The following ZNF146 variants were observed in gnomAD, a reference collection of about 807,000 sequenced individuals.
The protein encoded by ZNF146 is zinc finger protein OZF.
ZNF146 carries 9 observed loss-of-function variants against 22.2 expected under a neutral mutation model. The ratio of observed to expected loss-of-function variants is 0.41; its 90% CI spans 0.24 to 0.71. ZNF146 has a LOEUF of 0.71. ZNF146 is among the 30% of genes least tolerant of loss of function. The probability of loss-of-function intolerance (pLI) is 0.34; values close to 1 mark genes in which losing one functional copy is unlikely to be tolerated. For synonymous variants in ZNF146, 108 were observed against 119.2 expected (o/e 0.91, Z 0.61); for missense variants, 194 against 344.8 (o/e 0.56, Z 3.46).
chr19:36,227,979 G>A (rs1351082091), intron 2 of ZNF146, among the ~76,000 whole-genome samples: 3 of 152,046 alleles, frequency 2.0e-5, no homozygotes, highest in Non-Finnish European at 4.4e-5. Context: ...TGGCCAACAT[G>A]GTGAAACTCT....
In ZNF146 at chr19:36,215,612, T is replaced by C. The variant is rs577732793; in HGVS notation, c.-929+416T>C. Among the ~76,000 whole-genome samples the C allele has an allele frequency of 2.0e-5, 3 of 152,302 alleles. No homozygotes were observed. In the South Asian group the frequency reaches 6.2e-4, roughly 32 times the overall value. ...TGAATAATTTTAAAACGAGTTTTTATATAAAAGCATTTCTTTTTAATTGGA... is the reference window on the plus strand; with the variant it reads ...TGAATAATTTTAAAACGAGTTTTTACATAAAAGCATTTCTTTTTAATTGGA... On this transcript the variant is annotated intron_variant, in intron 1 of 3. Transcript: ENST00000443387.
chr19:36,224,215 C>T (rs1459280683), intron 2 of ZNF146, among the ~76,000 whole-genome samples: 1 of 152,140 alleles, frequency 6.6e-6, no homozygotes, highest in Non-Finnish European at 1.5e-5. Context: ...AACCCTGTCT[C>T]TACTAAAAAT....
rs1026086245 is a variant in ZNF146 at position 36,238,104 on chromosome 19, C to T, written c.*785C>T. The T allele has an allele frequency of 2.4e-5, 4 of 166,968 alleles. No individual in the cohort carries two copies. The highest frequency in any genetic ancestry group is 5.9e-5 in the Non-Finnish European group (4 of 68,108). 10.3% of individuals were successfully genotyped at this position (166,968 alleles called of 1,614,324 possible). ...TAGAAACAACTGAGAAAGCCCATCA[C>T]GAACAATATGGGAAATTCTTATGTA... On this transcript the variant is annotated 3_prime_UTR_variant, in exon 4 of 4. Transcript: ENST00000443387.
intron 2 of ZNF146, among the ~76,000 whole-genome samples, chr19:36,222,760 G>A (rs2432048): frequency 0.64 from 89,895 of 140,134 alleles, 28,779 homozygotes; most frequent in Middle Eastern, 0.73. Flanking sequence ...GGTTAGCCCT[G>A]TATGAAATGA....
At chr19:36,229,081 T>G (rs1164011517) in intron 3 of ZNF146, among the ~76,000 whole-genome samples, 1 of 152,236 alleles carries the variant, frequency 6.6e-6, no homozygotes, top group African/African-American at 2.4e-5. Flanking sequence ...GCCACTGTGG[T>G]GGCTGTTCTC....
At chr19:36,223,019 G>T (rs1470449694) in intron 2 of ZNF146, among the ~76,000 whole-genome samples, 2 of 151,996 alleles carry the variant, frequency 1.3e-5, no homozygotes, top group Non-Finnish European at 2.9e-5. Flanking sequence ...TCACTGTGTT[G>T]CACAGGCTGG....
chr19:36,230,994 T>A (rs954094835), intron 3 of ZNF146, among the ~76,000 whole-genome samples: 2 of 151,562 alleles, frequency 1.3e-5, no homozygotes, highest in Non-Finnish European at 2.9e-5. Context: ...AGAGTCGAGG[T>A]TTCACCATGT....
At chr19:36,227,390 A>G (rs1468286169) in intron 2 of ZNF146, among the ~76,000 whole-genome samples, 1 of 64,496 alleles carries the variant, frequency 1.6e-5, no homozygotes, top group African/African-American at 5.5e-5. Context: ...TCTCTGTCAC[A>G]AAAAAAAAAA....
chr19:36,231,096 C>T (rs1358997927), intron 3 of ZNF146, among the ~76,000 whole-genome samples: 2 of 152,152 alleles, frequency 1.3e-5, no homozygotes, highest in African/African-American at 2.4e-5. Flanking sequence ...ACGTGACACG[C>T]GTAAACGTGA....
In ZNF146 at chr19:36,237,431, A is replaced by C; in HGVS notation, c.*112A>C. On this transcript the variant is annotated 3_prime_UTR_variant, in exon 4 of 4. Coordinates refer to ENST00000443387, the MANE Select transcript of ZNF146 (RefSeq NM_007145.3). ...AGCACCACGAATGAGGTTAACTTTA[A>C]CAAGTACTAAAAACTTAAGGGACAC... The C allele has an allele frequency of 7.4e-7, 1 of 1,358,312 alleles. No individual in the cohort carries two copies. Among genetic ancestry groups the C allele is most frequent in the East Asian group, 2.5e-5 (1 of 39,978 alleles). The allele number at this position is 1,358,312 out of a possible 1,614,324, so 84.1% of individuals were successfully genotyped here.
At position 36,223,544 on chromosome 19, in the gene ZNF146, T is replaced by C. The variant is rs532522289; in HGVS notation, c.-854-5204T>C. Among the ~76,000 whole-genome samples the C allele has an allele frequency of 1.1e-3, 165 of 151,998 alleles. 1 individual carries two copies. The highest frequency in any genetic ancestry group is 3.8e-3 in the African/African-American group (157 of 41,490). ...CGCCTGGTTAATTTTTTCGTATTTT[T>C]AGTAGAGACGGGGTTTCACCATGTT... On this transcript the variant is annotated intron_variant, in intron 2 of 3. Transcript: ENST00000443387.
intron 2 of ZNF146, among the ~76,000 whole-genome samples, chr19:36,221,636 A>T (rs1219617573): frequency 2.0e-5 from 3 of 152,156 alleles, no homozygotes; most frequent in African/African-American, 7.2e-5. Context: ...GAAGTAAGTA[A>T]TGCATTTCTG....
chr19:36,234,564 AT>A (rs1977563131), intron 3 of ZNF146, among the ~76,000 whole-genome samples: 1 of 152,010 alleles, frequency 6.6e-6, no homozygotes, highest in Non-Finnish European at 1.5e-5. Context: ...CGCCCGGCTA[AT>A]TTTTTGTATT....
rs1260439289 is a variant in ZNF146, at chr19:36,218,179, T to TA, written c.-870dup. ...GTTAACTCCTTCCTCTGCCACTTTT[T>TA]ACCTTGGGGACCTCAGGTAGGTACT... is the stretch of plus-strand genomic sequence containing the variant. On this transcript the variant is annotated 5_prime_UTR_variant, in exon 2 of 4. Coordinates refer to ENST00000443387, the MANE Select transcript of ZNF146 (RefSeq NM_007145.3). The TA allele has an allele frequency of 2.6e-5, 4 of 151,136 alleles. No individual in the cohort carries two copies. The highest frequency in any genetic ancestry group is 5.9e-5 in the Non-Finnish European group (4 of 67,926). 9.4% of individuals were successfully genotyped at this position (151,136 alleles called of 1,614,324 possible).
At chr19:36,232,541 A>G (rs1277111838) in intron 3 of ZNF146, among the ~76,000 whole-genome samples, 2 of 151,524 alleles carry the variant, frequency 1.3e-5, no homozygotes, top group Non-Finnish European at 2.9e-5. Context: ...TTGAGAACGC[A>G]TGAGTTGCTG....
intron 2 of ZNF146, among the ~76,000 whole-genome samples, chr19:36,221,285 T>C (rs1312289680): frequency 4.6e-5 from 3 of 65,526 alleles, no homozygotes; most frequent in Admixed American, 1.5e-4. Context: ...AAGGGACTGC[T>C]TTTTTTTTTT....
intron 2 of ZNF146, among the ~76,000 whole-genome samples, chr19:36,218,490 T>C (rs1439113787): frequency 6.6e-6 from 1 of 151,770 alleles, no homozygotes; most frequent in African/African-American, 2.4e-5. Flanking sequence ...TTTTTTTTGA[T>C]GGAGTCTCAC....
At chr19:36,232,702 G>A (rs147318666) in intron 3 of ZNF146, among the ~76,000 whole-genome samples, 4,600 of 150,292 alleles carry the variant, frequency 0.031, 114 homozygotes, top group South Asian at 0.11. Context: ...TCCACCTCCC[G>A]GTTTCAAGTG....
intron 2 of ZNF146, among the ~76,000 whole-genome samples, chr19:36,219,870 T>G (rs1258432442): frequency 6.6e-6 from 1 of 152,216 alleles, no homozygotes; most frequent in African/African-American, 2.4e-5. Context: ...TAGTCTTAAT[T>G]TCTCTTGTCT....
Sources: gnomAD v4.1 joint callset for allele counts (sites outside exome capture counted in the v4.1 genomes callset) on GRCh38, gnomAD v4.1.1 for gene constraint, MANE v1.5 for transcripts, NCBI Gene and HGNC (gene_info 2026-07-23, HGNC 2026-07-21) for gene names.